AP3S1: variants seen among roughly 807,000 people sequenced by gnomAD.
The protein encoded by AP3S1 is adaptor related protein complex 3 subunit sigma 1.
In AP3S1, 12 loss-of-function variants were observed where a neutral mutation model predicts 21.3. The ratio of observed to expected loss-of-function variants is 0.56; its 90% CI spans 0.36 to 0.91. The LOEUF is 0.91. AP3S1 is among the 40% of genes least tolerant of loss of function. The pLI, the probability that AP3S1 is intolerant of heterozygous loss-of-function variation, is 0.01. For missense variants in AP3S1, 116 were observed against 225.0 expected, an observed-to-expected ratio of 0.52 and a Z score of 3.10; for synonymous variants, 48 against 78.4, an observed-to-expected ratio of 0.61 and a Z score of 2.05.
intron 3 of AP3S1, among the ~76,000 whole-genome samples, chr5:115,894,568 A>G (rs778198958): frequency 6.6e-6 from 1 of 152,218 alleles, no homozygotes. Context: ...GACTCTTCCC[A>G]CGAGGTCATA....
At chr5:115,844,293 T>A (rs1761896247) in intron 1 of AP3S1, among the ~76,000 whole-genome samples, 1 of 152,112 alleles carries the variant, frequency 6.6e-6, no homozygotes, top group African/African-American at 2.4e-5. Flanking sequence ...CGCTCTTGTG[T>A]GAGGAACATA....
intron 1 of AP3S1, among the ~76,000 whole-genome samples, chr5:115,843,739 TC>T (rs1324265252): frequency 6.6e-6 from 1 of 152,254 alleles, no homozygotes; most frequent in East Asian, 1.9e-4. Context: ...TCCTGGCTAA[TC>T]CATGTAATCG....
At chr5:115,843,238 G>A (rs1469136396) in intron 1 of AP3S1, among the ~76,000 whole-genome samples, 2 of 152,216 alleles carry the variant, frequency 1.3e-5, no homozygotes, top group Admixed American at 6.5e-5. Context: ...TTGAAATTGT[G>A]CCAAGGCTAA....
At chr5:115,906,963 A>G in intron 5 of AP3S1, 2 of 1,370,478 alleles carry the variant, frequency 1.5e-6, no homozygotes, top group Non-Finnish European at 1.9e-6. Flanking sequence ...CTTTGTGTTA[A>G]TAAACCCATA....
chr5:115,870,492 C>G (rs1232975189), intron 3 of AP3S1, among the ~76,000 whole-genome samples: 2 of 152,158 alleles, frequency 1.3e-5, no homozygotes, highest in Admixed American at 6.6e-5. Flanking sequence ...CAGCAAATTT[C>G]TTTTTATCTT....
At chr5:115,848,873 A>G (rs1043557540) in intron 1 of AP3S1, among the ~76,000 whole-genome samples, 1 of 152,218 alleles carries the variant, frequency 6.6e-6, no homozygotes, top group African/African-American at 2.4e-5. Context: ...TTCTTTGCTG[A>G]AGAATCAAGC....
chr5:115,887,043 C>T (rs898705386), intron 3 of AP3S1, among the ~76,000 whole-genome samples: 1 of 152,136 alleles, frequency 6.6e-6, no homozygotes, highest in Non-Finnish European at 1.5e-5. Flanking sequence ...ATCTTAAACA[C>T]CATACTTTAA....
chr5:115,862,251 A>G (rs1763254107), intron 1 of AP3S1, among the ~76,000 whole-genome samples: 1 of 152,000 alleles, frequency 6.6e-6, no homozygotes, highest in African/African-American at 2.4e-5. Context: ...TTTTTCAGTA[A>G]GTTTATTGGG....
At chr5:115,894,243 G>A (rs1388172659) in intron 3 of AP3S1, among the ~76,000 whole-genome samples, 2 of 152,192 alleles carry the variant, frequency 1.3e-5, no homozygotes, top group African/African-American at 4.8e-5. Context: ...TGTGTACAGA[G>A]TATTCCCAAC....
intron 5 of AP3S1, 200 bp downstream of exon 5, chr5:115,903,192 C>A: frequency 2.5e-6 from 1 of 400,206 alleles, no homozygotes; most frequent in Non-Finnish European, 4.5e-6. Flanking sequence ...TTTGTGTATT[C>A]TTCTTTTAGC....
At chr5:115,913,138 ATTG>A (rs1280035676) in intron 5 of AP3S1, among the ~76,000 whole-genome samples, 2 of 152,128 alleles carry the variant, frequency 1.3e-5, no homozygotes, top group African/African-American at 2.4e-5. Context: ...AAATCTTTAC[ATTG>A]TTATCATTGC....
At chr5:115,879,091 T>C (rs1045870866) in intron 3 of AP3S1, among the ~76,000 whole-genome samples, 2 of 152,176 alleles carry the variant, frequency 1.3e-5, no homozygotes, top group Non-Finnish European at 2.9e-5. Context: ...CTTCAGGAGA[T>C]TTTGGGCTGA....
intron 1 of AP3S1, among the ~76,000 whole-genome samples, chr5:115,858,731 C>A (rs375892208): frequency 6.6e-6 from 1 of 151,128 alleles, no homozygotes; most frequent in East Asian, 1.9e-4. Context: ...TTTAAAATTT[C>A]TCCATATATT....
rs538487558 is a variant in AP3S1, at chr5:115,913,291, T to C, written c.454-71T>C. Reference sequence around the variant, plus strand: ...AAAATCTTTTATCATTGTCTTCCATTGTAAGTGTTTTATGATGAGCTACAC... The same window carrying C: ...AAAATCTTTTATCATTGTCTTCCATCGTAAGTGTTTTATGATGAGCTACAC... On this transcript the variant is annotated intron_variant, in intron 5 of 5. Transcript: ENST00000316788. 1.6e-5 allele frequency: 23 copies of C among 1,472,070 alleles called. No homozygotes were observed. In the South Asian group the frequency reaches 2.7e-4, roughly 17 times the overall value. The allele number at this position is 1,472,070 out of a possible 1,614,324, so 91.2% of individuals were successfully genotyped here. A position where few individuals can be genotyped will look rare whatever the true frequency, so the allele number is the denominator to read the frequency against.
At chr5:115,892,056 G>T (rs1416658852) in intron 3 of AP3S1, among the ~76,000 whole-genome samples, 1 of 152,208 alleles carries the variant, frequency 6.6e-6, no homozygotes, top group Admixed American at 6.5e-5. Context: ...ACAGGCATAT[G>T]AAAAGGTGTT....
At position 115,844,090 on chromosome 5, in the gene AP3S1, T is replaced by A. The variant is rs188948982; in HGVS notation, c.69+1984T>A. ...TTTCTATAAGTTGGGTTTTGCCGAG[T>A]GTTTTTTTGTCTTTCAGGAATAATT... On this transcript the variant is annotated intron_variant, in intron 1 of 5. Coordinates refer to ENST00000316788, the MANE Select transcript of AP3S1 (RefSeq NM_001284.4). Among the ~76,000 whole-genome samples, 31 of 152,352 alleles carry A rather than the reference T, an allele frequency of 2.0e-4. No homozygotes were observed. In the East Asian group the frequency reaches 6.0e-3, roughly 29 times the overall value.
chr5:115,866,176 C>T (rs977887711), intron 1 of AP3S1, among the ~76,000 whole-genome samples: 4 of 152,128 alleles, frequency 2.6e-5, no homozygotes, highest in African/African-American at 4.8e-5. Flanking sequence ...GGCTTTAGAT[C>T]GGCTTATATA....
At chr5:115,903,102 G>A (rs1032873696) in intron 5 of AP3S1, 110 bp downstream of exon 5, 15 of 765,898 alleles carry the variant, frequency 2.0e-5, no homozygotes, top group African/African-American at 5.4e-5. Context: ...AGGTTCAGCC[G>A]TTATGCTTAT....
At chr5:115,887,902 C>T (rs1041151396) in intron 3 of AP3S1, among the ~76,000 whole-genome samples, 2 of 152,016 alleles carry the variant, frequency 1.3e-5, no homozygotes, top group Admixed American at 6.6e-5. Context: ...AAAACACAAG[C>T]ATGTTTTATA....
Sources: gnomAD v4.1 joint callset for allele counts (sites outside exome capture counted in the v4.1 genomes callset) on GRCh38, gnomAD v4.1.1 for gene constraint, MANE v1.5 for transcripts, NCBI Gene and HGNC (gene_info 2026-07-23, HGNC 2026-07-21) for gene names.